The following CDH7 variants were observed in gnomAD, a reference collection of about 807,000 sequenced individuals.
The protein encoded by CDH7 is cadherin-7.
CDH7 carries 25 observed loss-of-function variants against 71.8 expected under a neutral mutation model. The observed-to-expected ratio is 0.35, with a 90% CI of 0.25 to 0.49. CDH7 has a LOEUF of 0.49. CDH7 is among the 20% of genes least tolerant of loss of function. The pLI is 0.99. For missense variants in CDH7, 862 were observed against 974.6 expected, an observed-to-expected ratio of 0.88 and a Z score of 1.54; for synonymous variants, 381 against 363.8, an observed-to-expected ratio of 1.05 and a Z score of -0.54.
chr18:65,782,806 A>G (rs1180824738), intron 2 of CDH7, among the ~76,000 whole-genome samples: 1 of 152,322 alleles, frequency 6.6e-6, no homozygotes, highest in Non-Finnish European at 1.5e-5. Context: ...AATGCCTGGA[A>G]AAGCTCATTT....
chr18:65,761,574 C>A (rs531536466), intron 1 of CDH7, among the ~76,000 whole-genome samples: 27 of 149,172 alleles, frequency 1.8e-4, no homozygotes, highest in Admixed American at 1.7e-3. Flanking sequence ...AATGATACTT[C>A]TTTGCCTTAA....
chr18:65,789,463 A>AT (rs1248947707), intron 2 of CDH7, among the ~76,000 whole-genome samples: 1 of 132,058 alleles, frequency 7.6e-6, no homozygotes, highest in Non-Finnish European at 1.5e-5. Context: ...TACATGTGCT[A>AT]TTTTTTTGTT....
At chr18:65,751,673 C>T (rs1200539170) in intron 1 of CDH7, among the ~76,000 whole-genome samples, 1 of 152,188 alleles carries the variant, frequency 6.6e-6, no homozygotes, top group African/African-American at 2.4e-5. Flanking sequence ...GAGCTCACTT[C>T]AGGGTGCTTT....
At position 65,889,874 on chromosome 18, in the gene CDH7, G is replaced by A. The variant is rs935963699; in HGVS notation, c.*8980G>A. ...ACAAGGATAAAATACGGAGTTTAAC[G>A]TGCTTATAACCAGTGTGATCCTTGT... On this transcript the variant is annotated 3_prime_UTR_variant, in exon 12 of 12. Transcript: ENST00000397968. 1.3e-5 allele frequency: 2 copies of A among 152,138 alleles called. No individual in the cohort carries two copies. Among genetic ancestry groups the A allele is most frequent in the African/African-American group, 2.4e-5 (1 of 41,432 alleles). 9.4% of individuals were successfully genotyped at this position (152,138 alleles called of 1,614,324 possible).
rs1275966450 is a variant in CDH7 at position 65,771,826 on chromosome 18, G to A, written c.210+8774G>A. Among the ~76,000 whole-genome samples the A allele has an allele frequency of 4.0e-5, 6 of 151,730 alleles. No homozygotes were observed. The East Asian group carries it at 9.6e-4, about 24-fold the overall frequency. ...CCATGCAAACGAAAAAAAAGAGAGA[G>A]CCAAATGACATTGGGGGAAAACAAA... On this transcript the variant is annotated intron_variant, in intron 2 of 11. Transcript: ENST00000397968.
chr18:65,756,294 T>C (rs1290390850), intron 1 of CDH7, among the ~76,000 whole-genome samples: 1 of 152,200 alleles, frequency 6.6e-6, no homozygotes, highest in Non-Finnish European at 1.5e-5. Context: ...GCCAACAAAA[T>C]GTCTCAGGGA....
chr18:65,777,109 A>T (rs1598995712), intron 2 of CDH7, among the ~76,000 whole-genome samples: 1 of 152,262 alleles, frequency 6.6e-6, no homozygotes, highest in Admixed American at 6.5e-5. Context: ...TAGAAAAACC[A>T]GAAGAAAAAT....
rs200963885 is a variant in CDH7 at position 65,762,831 on chromosome 18, G to GAA, written c.-3_-2dup. The GAA allele has an allele frequency of 6.8e-5, 96 of 1,415,602 alleles. No homozygotes were observed. The highest frequency in any genetic ancestry group is 8.5e-5 in the Non-Finnish European group (88 of 1,041,248). The allele number at this position is 1,415,602 out of a possible 1,614,324, so 87.7% of individuals were successfully genotyped here. A position where few individuals can be genotyped will look rare whatever the true frequency, so the allele number is the denominator to read the frequency against. On this transcript the variant is annotated 5_prime_UTR_variant, in exon 2 of 12. Transcript: ENST00000397968. Reference sequence around the variant, plus strand: ...TTTTTTCTTACACAGGAAAAAGAAAGAAAAAAAAAAGATGAAGTTGGGCAA... The same window carrying GAA: ...TTTTTTCTTACACAGGAAAAAGAAAGAAAAAAAAAAAAGATGAAGTTGGGCAA...
At chr18:65,798,605 G>C (rs891921767) in intron 2 of CDH7, among the ~76,000 whole-genome samples, 1 of 152,170 alleles carries the variant, frequency 6.6e-6, no homozygotes, top group African/African-American at 2.4e-5. Context: ...AAGTAGGATT[G>C]GGCAGTAAAA....
intron 2 of CDH7, among the ~76,000 whole-genome samples, chr18:65,789,395 A>G (rs8092041): frequency 0.035 from 5,316 of 152,286 alleles, 310 homozygotes; most frequent in African/African-American, 0.12. Flanking sequence ...TGGCCAAAGT[A>G]TAGGACAAAT....
chr18:65,833,980 T>C (rs1448185309), intron 6 of CDH7, among the ~76,000 whole-genome samples: 4 of 152,174 alleles, frequency 2.6e-5, no homozygotes, highest in African/African-American at 7.2e-5. Flanking sequence ...AGTGAGTCCA[T>C]TATGGAATTT....
chr18:65,797,155 A>G (rs1910947145), intron 2 of CDH7, among the ~76,000 whole-genome samples: 1 of 152,158 alleles, frequency 6.6e-6, no homozygotes, highest in Non-Finnish European at 1.5e-5. Flanking sequence ...AACAACAGCA[A>G]CAACAACAAA....
At chr18:65,764,304 A>G (rs1208171870) in intron 2 of CDH7, among the ~76,000 whole-genome samples, 1 of 152,028 alleles carries the variant, frequency 6.6e-6, no homozygotes, top group Middle Eastern at 3.2e-3. Context: ...TACCTTGTAA[A>G]CAAAAGGACA....
chr18:65,794,944 C>A (rs1164533928), intron 2 of CDH7, among the ~76,000 whole-genome samples: 2 of 152,020 alleles, frequency 1.3e-5, no homozygotes, highest in Non-Finnish European at 2.9e-5. Context: ...GTGTCTGACA[C>A]GTAATTATGC....
rs1555692661 is a variant in CDH7 at position 65,885,372 on chromosome 18, G to GTTTTTTTTCTTTTTTTTTTCTTTTTTT, written c.*4486_*4487insCTTTTTTTTTTCTTTTTTTTTTTTTTT. 1 of 69,430 alleles carries GTTTTTTTTCTTTTTTTTTTCTTTTTTT rather than the reference G, an allele frequency of 1.4e-5. No individual in the cohort carries two copies. Among genetic ancestry groups the GTTTTTTTTCTTTTTTTTTTCTTTTTTT allele is most frequent in the Middle Eastern group, 0.015 (1 of 68 alleles). 4.3% of individuals were successfully genotyped at this position (69,430 alleles called of 1,614,324 possible). A position where few individuals can be genotyped will look rare whatever the true frequency, so the allele number is the denominator to read the frequency against. ...GTAACTGAAAAGGATGTGTGCCTGT[G>GTTTTTTTTCTTTTTTTTTTCTTTTTTT]TTTTTTTTTTTTTTTTTTTTTTTGA... On this transcript the variant is annotated 3_prime_UTR_variant, in exon 12 of 12. Transcript: ENST00000397968.
At chr18:65,850,550 CTGTT>C (rs572367518) in intron 7 of CDH7, among the ~76,000 whole-genome samples, 77 of 151,364 alleles carry the variant, frequency 5.1e-4, no homozygotes, top group African/African-American at 1.6e-3. Flanking sequence ...TTGCAGCTGT[CTGTT>C]TAAGATTCAC....
chr18:65,774,366 T>C (rs1379882393), intron 2 of CDH7, among the ~76,000 whole-genome samples: 1 of 152,062 alleles, frequency 6.6e-6, no homozygotes, highest in African/African-American at 2.4e-5. Flanking sequence ...TTATTTTTCT[T>C]AAAAAATGTT....
chr18:65,779,425 G>A (rs1910097174), intron 2 of CDH7, among the ~76,000 whole-genome samples: 2 of 101,430 alleles, frequency 2.0e-5, no homozygotes, highest in Admixed American at 1.0e-4. Flanking sequence ...CTAGCATTAG[G>A]TATATCTCCC....
intron 6 of CDH7, among the ~76,000 whole-genome samples, chr18:65,827,214 T>C (rs7233064): frequency 0.73 from 110,938 of 151,520 alleles, 40,864 homozygotes; most frequent in East Asian, 0.98. Flanking sequence ...TTTTATTTTC[T>C]TAAATGACTT....
Sources: gnomAD v4.1 joint callset for allele counts (sites outside exome capture counted in the v4.1 genomes callset) on GRCh38, gnomAD v4.1.1 for gene constraint, MANE v1.5 for transcripts, NCBI Gene and HGNC (gene_info 2026-07-23, HGNC 2026-07-21) for gene names.